HS6ST2: variants seen among roughly 807,000 people sequenced by gnomAD.
HS6ST2 encodes the protein heparan-sulfate 6-O-sulfotransferase 2.
In HS6ST2, 17 loss-of-function variants were observed where a neutral mutation model predicts 33.0. That is an observed-to-expected ratio of 0.52 (90% confidence interval 0.35 to 0.77). The LOEUF is 0.77. Among genes scored for constraint, HS6ST2 ranks in the 30% least tolerant of loss-of-function variants. HS6ST2 has a pLI of 0.01. For missense variants in HS6ST2, 519 were observed against 551.7 expected (o/e 0.94, Z 0.59); for synonymous variants, 248 against 237.1 (o/e 1.05, Z -0.42).
intron 4 of HS6ST2, among the ~76,000 whole-genome samples, chrX:132,660,581 G>GATCTA (rs749786114): frequency 5.6e-4 from 62 of 110,988 alleles, no homozygotes; most frequent in African/African-American, 2.0e-3. Flanking sequence ...CCATGAATAG[G>GATCTA]ATCTACTTTT....
At chrX:132,702,752 T>G (rs142845688) in intron 3 of HS6ST2, among the ~76,000 whole-genome samples, 1,478 of 111,522 alleles carry the variant, frequency 0.013, 28 homozygotes, top group African/African-American at 0.046. Flanking sequence ...CCACTCCCTA[T>G]GATAATCTTG....
intron 2 of HS6ST2, among the ~76,000 whole-genome samples, chrX:132,918,551 G>A (rs1370254625): frequency 5.4e-5 from 6 of 111,882 alleles, no homozygotes; most frequent in African/African-American, 1.9e-4. Context: ...TCTAAGATGG[G>A]AGGTATTTTC....
intron 2 of HS6ST2, among the ~76,000 whole-genome samples, chrX:132,790,907 C>T (rs145250502): frequency 0.022 from 2,466 of 111,247 alleles, 49 homozygotes; most frequent in East Asian, 0.13. Context: ...TTTGGGAAGC[C>T]GGGGTGGGAA....
chrX:132,653,285 C>T (rs973311534), intron 4 of HS6ST2, among the ~76,000 whole-genome samples: 1 of 112,023 alleles, frequency 8.9e-6, no homozygotes, highest in Non-Finnish European at 1.9e-5. Flanking sequence ...ACTGAACTGG[C>T]CTGCTGTCCT....
intron 2 of HS6ST2, among the ~76,000 whole-genome samples, chrX:132,798,153 C>T (rs1193761874): frequency 1.8e-5 from 2 of 110,319 alleles, no homozygotes; most frequent in African/African-American, 6.6e-5. Flanking sequence ...AGGAGACTGC[C>T]TGGATACATG....
At chrX:132,647,479 G>T (rs747256262) in intron 4 of HS6ST2, among the ~76,000 whole-genome samples, 1 of 112,101 alleles carries the variant, frequency 8.9e-6, no homozygotes, top group Non-Finnish European at 1.9e-5. Flanking sequence ...CAAAGCTTCA[G>T]CCTGGGGACA....
At chrX:132,691,634 T>G in intron 3 of HS6ST2, among the ~76,000 whole-genome samples, 1 of 112,466 alleles carries the variant, frequency 8.9e-6, no homozygotes, top group African/African-American at 3.2e-5. Flanking sequence ...CTCTATGGGC[T>G]GTAGTATTTG....
chrX:132,714,164 T>C (rs751373088), intron 2 of HS6ST2, among the ~76,000 whole-genome samples: 2 of 111,303 alleles, frequency 1.8e-5, no homozygotes, highest in East Asian at 5.7e-4. Context: ...AGGCCTGGAA[T>C]AGAAATAAAA....
At chrX:132,757,606 T>TTCTC (rs373369533) in intron 2 of HS6ST2, among the ~76,000 whole-genome samples, 19 of 106,636 alleles carry the variant, frequency 1.8e-4, no homozygotes, top group African/African-American at 5.4e-4. Context: ...GCCCTTTGTG[T>TTCTC]TCTCTCTCTC....
Position 132,957,172 on chromosome X carries a change from G to T in HS6ST2, c.583C>A (p.Arg195Ser), listed in dbSNP as rs1236194319. 2 of 1,211,971 alleles carry T rather than the reference G, an allele frequency of 1.7e-6. No homozygotes were observed. The highest frequency in any genetic ancestry group is 1.8e-5 in the South Asian group (1 of 56,979). Reference protein sequence around the residue: ...AFSSPVPDPYRSEDESSARFV... With the variant: ...AFSSPVPDPYSSEDESSARFV... ...CTGGCGGAGCTCTCATCCTCCGAGC[G>T]GTACGGGTCCGGCACCGGGGAGCTG... Residue 195 changes from arginine (R) to serine (S), a missense_variant, in exon 2 of 5, where the codon CGC becomes AGC. Coordinates refer to ENST00000370833, the MANE Select transcript of HS6ST2 (RefSeq NM_001394073.1).
rs1313499830 is a variant in HS6ST2, at chrX:132,958,383, C to T, written c.220G>A (p.Ala74Thr). 8.3e-7 allele frequency: 1 copy of T among 1,197,896 alleles called. No homozygotes were observed. The highest frequency in any genetic ancestry group is 1.1e-6 in the Non-Finnish European group (1 of 892,528). ...GCGGCTCCCGCCAGGGAAGAAGACGCCTTTCGGGGCTTGTCCAGGAGCGGC... is the reference window on the plus strand; with the variant it reads ...GCGGCTCCCGCCAGGGAAGAAGACGTCTTTCGGGGCTTGTCCAGGAGCGGC... Reference protein sequence around the residue: ...TRPLLDKPRKASSSLAGAACA... With the variant: ...TRPLLDKPRKTSSSLAGAACA... The change falls in exon 1 of 5, where the codon GCG becomes ACG. Residue 74 changes from alanine to threonine, a missense_variant. Coordinates refer to ENST00000370833, the MANE Select transcript of HS6ST2 (RefSeq NM_001394073.1).
chrX:132,687,951 G>A (rs1025246161), intron 3 of HS6ST2, among the ~76,000 whole-genome samples: 14 of 111,459 alleles, frequency 1.3e-4, no homozygotes, highest in Admixed American at 9.5e-4. Flanking sequence ...GTTTCATCAT[G>A]TTCGCCAGGC....
chrX:132,797,921 G>A (rs1404653684), intron 2 of HS6ST2, among the ~76,000 whole-genome samples: 7 of 107,775 alleles, frequency 6.5e-5, no homozygotes, highest in Non-Finnish European at 7.7e-5. Context: ...ACTGAGGCAG[G>A]AGAATCGCTT....
chrX:132,683,401 C>T, intron 3 of HS6ST2, among the ~76,000 whole-genome samples: 1 of 111,711 alleles, frequency 9.0e-6, no homozygotes, highest in South Asian at 3.8e-4. Context: ...AGGCTGTCCC[C>T]TTCAAGAAAT....
At chrX:132,760,751 C>T (rs2064798394) in intron 2 of HS6ST2, among the ~76,000 whole-genome samples, 1 of 111,225 alleles carries the variant, frequency 9.0e-6, no homozygotes. Flanking sequence ...TAAATGCCCA[C>T]CTTTCCACTC....
At chrX:132,687,754 TTG>T (rs2064030183) in intron 3 of HS6ST2, among the ~76,000 whole-genome samples, 1 of 108,981 alleles carries the variant, frequency 9.2e-6, no homozygotes, top group African/African-American at 3.4e-5. Context: ...TAGTCAACAT[TTG>T]TTTTTTTTTT....
chrX:132,772,868 TA>T (rs1212143847), intron 2 of HS6ST2, among the ~76,000 whole-genome samples: 1 of 87,808 alleles, frequency 1.1e-5, no homozygotes, highest in African/African-American at 4.4e-5. Flanking sequence ...GTCTATAATA[TA>T]AAATATAACA....
chrX:132,745,797 C>G (rs2148292406), intron 2 of HS6ST2, among the ~76,000 whole-genome samples: 1 of 112,012 alleles, frequency 8.9e-6, no homozygotes, highest in South Asian at 3.7e-4. Context: ...TAAAAAACAT[C>G]TAGAGAGTGT....
rs1245637455 is a variant in HS6ST2, at chrX:132,718,419, C to T, written c.948-9925G>A. Among the ~76,000 whole-genome samples the T allele has an allele frequency of 6.3e-5, 7 of 111,814 alleles. No individual in the cohort carries two copies. The East Asian group carries it at 1.4e-3, about 22-fold the overall frequency. On this transcript the variant is annotated intron_variant, in intron 2 of 4. Coordinates refer to ENST00000370833, the MANE Select transcript of HS6ST2 (RefSeq NM_001394073.1). The stretch of plus-strand genomic sequence containing the variant: ...AGGTCATACAGTTAATAAGTGAAGG[C>T]GCTGAGATGGGAATATTCAATATTT...
Sources: gnomAD v4.1 joint callset for allele counts (sites outside exome capture counted in the v4.1 genomes callset) on GRCh38, gnomAD v4.1.1 for gene constraint, MANE v1.5 for transcripts, NCBI Gene and HGNC (gene_info 2026-07-23, HGNC 2026-07-21) for gene names.